The following ORC2 variants were observed in gnomAD, a reference collection of about 807,000 sequenced individuals.
ORC2 encodes origin recognition complex subunit 2.
A neutral mutation model predicts 77.7 loss-of-function variants in ORC2; 37 were observed. That is an observed-to-expected ratio of 0.48 (90% CI 0.37 to 0.63). The LOEUF (loss-of-function observed/expected upper bound fraction) is 0.63, where lower values mean the gene tolerates loss of function less well. ORC2 is among the 20% of genes least tolerant of loss of function. ORC2 has a pLI of 0.00. For missense variants in ORC2, 557 were observed against 661.9 expected (o/e 0.84, Z 1.74); for synonymous variants, 201 against 229.5 (o/e 0.88, Z 1.12).
In ORC2 at chr2:200,936,830, G is replaced by A. The variant is rs16836011; in HGVS notation, c.515-938C>T. On this transcript the variant is annotated intron_variant, in intron 8 of 17. Transcript: ENST00000234296. The stretch of plus-strand genomic sequence containing the variant: ...AGCTAGTTTTACATTTATCAAATAA[G>A]AATAAAGCCAGTTTCACACTAAACA... Among the ~76,000 whole-genome samples the A allele has an allele frequency of 3.5e-4, 53 of 152,070 alleles. 2 individuals carry two copies. The South Asian group carries it at 0.011, about 31-fold the overall frequency.
intron 11 of ORC2, among the ~76,000 whole-genome samples, chr2:200,927,791 G>A (rs1484155311): frequency 1.3e-5 from 2 of 151,054 alleles, no homozygotes; most frequent in Non-Finnish European, 2.9e-5. Context: ...TCCGCCTCCC[G>A]GGTTCAAGCG....
At chr2:200,913,137 C>A (rs1042331444) in intron 17 of ORC2, among the ~76,000 whole-genome samples, 158 bp downstream of exon 17, 1 of 152,224 alleles carries the variant, frequency 6.6e-6, no homozygotes, top group East Asian at 1.9e-4. Flanking sequence ...TACCATGGCT[C>A]TTTCTACAAA....
At chr2:200,933,214 T>C (rs2124980356) in intron 10 of ORC2, among the ~76,000 whole-genome samples, 1 of 151,862 alleles carries the variant, frequency 6.6e-6, no homozygotes, top group Middle Eastern at 3.4e-3. Context: ...CCAGCAAGTA[T>C]AACTGTATGG....
intron 17 of ORC2, among the ~76,000 whole-genome samples, chr2:200,912,180 C>T (rs1479321497): frequency 1.3e-5 from 2 of 152,162 alleles, no homozygotes; most frequent in Non-Finnish European, 2.9e-5. Context: ...TCTCACTAAA[C>T]GTCCTCCCTT....
At chr2:200,934,905 T>G (rs2041008544) in intron 9 of ORC2, among the ~76,000 whole-genome samples, 1 of 152,212 alleles carries the variant, frequency 6.6e-6, no homozygotes. Flanking sequence ...CCAGGATAAT[T>G]AGCCTTTTCT....
At chr2:200,926,175 G>A (rs547499216) in intron 12 of ORC2, among the ~76,000 whole-genome samples, 1 of 151,908 alleles carries the variant, frequency 6.6e-6, no homozygotes, top group East Asian at 1.9e-4. Context: ...AATATAAGAG[G>A]GCAGCAAAAA....
At position 200,935,822 on chromosome 2, in the gene ORC2, T is replaced by A; in HGVS notation, c.585A>T (p.Ala195=). The A allele has an allele frequency of 1.2e-6, 2 of 1,614,156 alleles. No homozygotes were observed. The highest frequency in any genetic ancestry group is 2.7e-5 in the African/African-American group (2 of 75,062). Residue 195 remains alanine, a synonymous_variant, in exon 9 of 18, where the codon GCA becomes GCT. Transcript: ENST00000234296. ...ASNSEDDEGV[A]QEHEEDTNAV... The stretch of plus-strand genomic sequence containing the variant: ...CATTAGTGTCCTCTTCATGTTCCTG[T>A]GCAACCCCTTCATCATCCTCTGAGT...
At chr2:200,912,527 C>T (rs751106141) in intron 17 of ORC2, among the ~76,000 whole-genome samples, 13 of 152,110 alleles carry the variant, frequency 8.5e-5, no homozygotes, top group Non-Finnish European at 1.5e-4. Flanking sequence ...GTGATCCTCC[C>T]ACCTCAGCCT....
At chr2:200,950,696 A>G (rs1207775812) in intron 4 of ORC2, among the ~76,000 whole-genome samples, 1 of 152,220 alleles carries the variant, frequency 6.6e-6, no homozygotes, top group South Asian at 2.1e-4. Flanking sequence ...TCATTAAGTT[A>G]TTGAAAGTTG....
chr2:200,922,374 G>GT (rs1284577995), intron 13 of ORC2, among the ~76,000 whole-genome samples: 15 of 131,230 alleles, frequency 1.1e-4, no homozygotes, highest in African/African-American at 4.4e-4. Context: ...AATGAAATAG[G>GT]TAAAAAAAAA....
At chr2:200,942,567 T>C (rs2041173372) in intron 6 of ORC2, 118 bp downstream of exon 6, 2 of 525,562 alleles carry the variant, frequency 3.8e-6, no homozygotes, top group African/African-American at 3.9e-5. Context: ...TTTTGTTGAA[T>C]GAATTTTCAG....
chr2:200,939,998 A>T (rs1453999747), intron 7 of ORC2, among the ~76,000 whole-genome samples: 1 of 152,238 alleles, frequency 6.6e-6, no homozygotes, highest in Non-Finnish European at 1.5e-5. Context: ...ACATTCCTGC[A>T]CAGGCCATAA....
At chr2:200,925,404 G>A (rs2040824788) in intron 13 of ORC2, among the ~76,000 whole-genome samples, 1 of 152,070 alleles carries the variant, frequency 6.6e-6, no homozygotes, top group Non-Finnish European at 1.5e-5. Context: ...ATAGAAAAAG[G>A]ACAAACTTTT....
chr2:200,958,215 T>C (rs2125038628), intron 2 of ORC2, 82 bp from the exon 3 acceptor site: 1 of 741,346 alleles, frequency 1.3e-6, no homozygotes, highest in Non-Finnish European at 2.4e-6. Context: ...AATGAATACA[T>C]GTCTTTATCT....
At chr2:200,930,658 T>C (rs556802896) in intron 11 of ORC2, among the ~76,000 whole-genome samples, 1 of 152,264 alleles carries the variant, frequency 6.6e-6, no homozygotes, top group East Asian at 1.9e-4. Context: ...ACAATGTAAC[T>C]GTGAGTGTGC....
chr2:200,954,904 GAATAAATAAATA>G (rs66473778), intron 4 of ORC2, among the ~76,000 whole-genome samples: 10 of 144,628 alleles, frequency 6.9e-5, no homozygotes, highest in South Asian at 4.3e-4. Flanking sequence ...ATGAATGAAT[GAATAAATAAATA>G]AATAAATAAA....
chr2:200,927,459 C>G (rs1471149355), intron 11 of ORC2, among the ~76,000 whole-genome samples: 1 of 151,046 alleles, frequency 6.6e-6, no homozygotes, highest in Non-Finnish European at 1.5e-5. Context: ...CTTTGGGAGG[C>G]CGAGGTGGGC....
At chr2:200,917,477 G>C (rs1356035110) in intron 15 of ORC2, among the ~76,000 whole-genome samples, 1 of 152,100 alleles carries the variant, frequency 6.6e-6, no homozygotes, top group East Asian at 1.9e-4. Flanking sequence ...CTCATCTTCA[G>C]TGTTCAAATC....
chr2:200,936,050 C>T (rs2041040749), intron 8 of ORC2, among the ~76,000 whole-genome samples, 158 bp from the exon 9 acceptor site: 1 of 152,208 alleles, frequency 6.6e-6, no homozygotes. Context: ...CAAATTCTCT[C>T]AGCACCAGTT....
Sources: allele counts gnomAD v4.1 joint callset (sites outside exome capture counted in the v4.1 genomes callset), GRCh38; gene constraint gnomAD v4.1.1; transcripts MANE v1.5; gene names NCBI Gene and HGNC (gene_info 2026-07-23, HGNC 2026-07-21).